CCBE1: variants seen among roughly 807,000 people sequenced by gnomAD.
The protein encoded by CCBE1 is collagen and calcium binding EGF domains 1.
Under a neutral mutation model 50.0 loss-of-function variants are expected in CCBE1, and 37 were observed. That is an observed-to-expected ratio of 0.74 (90% CI 0.57 to 0.97). The LOEUF (loss-of-function observed/expected upper bound fraction) is 0.97. Ranked by LOEUF, CCBE1 falls within the 50% of genes least tolerant of loss-of-function variation. The pLI, the probability that CCBE1 is intolerant of heterozygous loss-of-function variation, is 0.00. For synonymous variants in CCBE1, 234 were observed against 203.7 expected, an observed-to-expected ratio of 1.15 and a Z score of -1.27; for missense variants, 538 against 523.8, an observed-to-expected ratio of 1.03 and a Z score of -0.26.
Position 59,432,422 on chromosome 18 carries a change from A to G in CCBE1, c.*3486T>C, listed in dbSNP as rs987999885. ...CTTTTTCCCTATAAAACATGAAATGACCTAGAAGCACTGTTACAAATCTTA... is the reference window on the plus strand; with the variant it reads ...CTTTTTCCCTATAAAACATGAAATGGCCTAGAAGCACTGTTACAAATCTTA... On this transcript the variant is annotated 3_prime_UTR_variant, in exon 11 of 11. Transcript: ENST00000439986. The G allele has an allele frequency of 2.0e-5, 3 of 152,342 alleles. No homozygotes were observed. The highest frequency in any genetic ancestry group is 6.5e-5 in the Admixed American group (1 of 15,304). The allele number at this position is 152,342 out of a possible 1,614,324, so 9.4% of individuals were successfully genotyped here. A position where few individuals can be genotyped will look rare whatever the true frequency, so the allele number is the denominator to read the frequency against.
intron 2 of CCBE1, among the ~76,000 whole-genome samples, chr18:59,688,821 A>T (rs374423161): frequency 1.3e-5 from 2 of 152,344 alleles, no homozygotes; most frequent in African/African-American, 2.4e-5. Context: ...AAACACTGTA[A>T]TATAAATAAG....
intron 2 of CCBE1, among the ~76,000 whole-genome samples, chr18:59,655,399 G>A (rs2054176372): frequency 6.6e-6 from 1 of 152,168 alleles, no homozygotes; most frequent in South Asian, 2.1e-4. Flanking sequence ...CAGAGGCTGA[G>A]CCACTGAGTG....
At chr18:59,496,546 G>A (rs769565379) in intron 2 of CCBE1, among the ~76,000 whole-genome samples, 28 of 152,316 alleles carry the variant, frequency 1.8e-4, no homozygotes, top group Non-Finnish European at 4.1e-4. Context: ...CTGGCATGTG[G>A]TGTAACCTCA....
At chr18:59,491,035 T>C (rs956677688) in intron 2 of CCBE1, among the ~76,000 whole-genome samples, 8 of 152,292 alleles carry the variant, frequency 5.3e-5, no homozygotes, top group South Asian at 2.1e-4. Context: ...ACAGTAACAA[T>C]TGTGGGATCC....
chr18:59,543,847 A>AAAAAAAAAAAAAAAAAAAAAAG (rs1915576051), intron 2 of CCBE1, among the ~76,000 whole-genome samples: 2 of 78,526 alleles, frequency 2.5e-5, no homozygotes, highest in East Asian at 9.7e-4. Context: ...AAAAAAAAAA[A>AAAAAAAAAAAAAAAAAAAAAAG]AAAAAAAAAA....
At chr18:59,611,126 T>C (rs2144582892) in intron 2 of CCBE1, among the ~76,000 whole-genome samples, 1 of 152,306 alleles carries the variant, frequency 6.6e-6, no homozygotes, top group Non-Finnish European at 1.5e-5. Flanking sequence ...TGAGAAGAGA[T>C]CTCACCACCG....
intron 2 of CCBE1, among the ~76,000 whole-genome samples, chr18:59,668,181 AG>A (rs2054380706): frequency 6.6e-6 from 1 of 152,112 alleles, no homozygotes; most frequent in South Asian, 2.1e-4. Context: ...ACACTTTGGG[AG>A]GCTGAGGCGG....
chr18:59,605,911 T>C (rs893151182), intron 2 of CCBE1, among the ~76,000 whole-genome samples: 1 of 152,106 alleles, frequency 6.6e-6, no homozygotes, highest in Non-Finnish European at 1.5e-5. Flanking sequence ...GCTGCTCCAC[T>C]GGGGGAAATG....
chr18:59,659,842 G>A (rs569083466), intron 2 of CCBE1, among the ~76,000 whole-genome samples: 9 of 152,180 alleles, frequency 5.9e-5, no homozygotes, highest in African/African-American at 7.2e-5. Flanking sequence ...CTGGACCCCC[G>A]TTTGCTCATC....
At chr18:59,558,939 C>A (rs1037977789) in intron 2 of CCBE1, among the ~76,000 whole-genome samples, 3 of 152,216 alleles carry the variant, frequency 2.0e-5, no homozygotes, top group South Asian at 2.1e-4. Flanking sequence ...CTGCCTACGG[C>A]CCCCTAAGTG....
intron 2 of CCBE1, among the ~76,000 whole-genome samples, chr18:59,545,786 G>C (rs1915658009): frequency 6.6e-6 from 1 of 152,080 alleles, no homozygotes; most frequent in Admixed American, 6.6e-5. Context: ...TTTTATCAGG[G>C]GGTTCCCCTT....
In CCBE1 at chr18:59,557,004, A is replaced by G. The variant is rs375953790; in HGVS notation, c.213-76766T>C. Among the ~76,000 whole-genome samples the G allele has an allele frequency of 3.2e-4, 48 of 152,336 alleles. No individual in the cohort carries two copies. The East Asian group carries it at 7.3e-3, about 23-fold the overall frequency. On this transcript the variant is annotated intron_variant, in intron 2 of 10. Transcript: ENST00000439986. Reference sequence around the variant, plus strand: ...TTGTGTGTGATTTGGAAGATGATATACAGCAGCAACCTGGTTTGCACCCTC... The same window carrying G: ...TTGTGTGTGATTTGGAAGATGATATGCAGCAGCAACCTGGTTTGCACCCTC...
At chr18:59,468,655 G>A (rs976921394) in intron 4 of CCBE1, among the ~76,000 whole-genome samples, 3 of 152,152 alleles carry the variant, frequency 2.0e-5, no homozygotes, top group Non-Finnish European at 4.4e-5. Context: ...TAGAGAAAGA[G>A]GGATGCTCAT....
intron 2 of CCBE1, among the ~76,000 whole-genome samples, chr18:59,646,242 C>T (rs1599097145): frequency 1.3e-5 from 2 of 152,158 alleles, no homozygotes; most frequent in Admixed American, 6.5e-5. Context: ...AAGGCTATCC[C>T]GATGGACGAT....
chr18:59,654,556 A>T (rs556079155), intron 2 of CCBE1, among the ~76,000 whole-genome samples: 10 of 152,162 alleles, frequency 6.6e-5, no homozygotes, highest in African/African-American at 1.7e-4. Flanking sequence ...CCCAGGAGGC[A>T]GAGGTTGCAG....
intron 2 of CCBE1, among the ~76,000 whole-genome samples, chr18:59,545,925 C>A (rs1915664225): frequency 6.6e-6 from 1 of 151,478 alleles, no homozygotes; most frequent in South Asian, 2.1e-4. Context: ...TTCTGAGTCT[C>A]AGGTACGTCT....
At chr18:59,490,523 A>G (rs1913050337) in intron 2 of CCBE1, among the ~76,000 whole-genome samples, 1 of 152,206 alleles carries the variant, frequency 6.6e-6, no homozygotes, top group African/African-American at 2.4e-5. Context: ...AGGCTTGGCA[A>G]TGGCTTCAGA....
In CCBE1 at chr18:59,572,617, C is replaced by T. The variant is rs147830874; in HGVS notation, c.213-92379G>A. Among the ~76,000 whole-genome samples the T allele has an allele frequency of 2.4e-3, 368 of 152,220 alleles. 2 individuals carry two copies. Among genetic ancestry groups the T allele is most frequent in the African/African-American group, 8.3e-3 (345 of 41,522 alleles). On this transcript the variant is annotated intron_variant, in intron 2 of 10. Transcript: ENST00000439986. ...GAAATGTCAAAATATATAAATCAGT[C>T]AGGATAATTTCTATTGGTTGGTTAG...
intron 2 of CCBE1, among the ~76,000 whole-genome samples, chr18:59,661,540 A>C (rs1463804642): frequency 6.7e-6 from 1 of 150,212 alleles, no homozygotes; most frequent in Non-Finnish European, 1.5e-5. Flanking sequence ...TAACCTCAGA[A>C]ACTGAGTTGG....
Sources: gnomAD v4.1 joint callset for allele counts (sites outside exome capture counted in the v4.1 genomes callset) on GRCh38, gnomAD v4.1.1 for gene constraint, MANE v1.5 for transcripts, NCBI Gene and HGNC (gene_info 2026-07-23, HGNC 2026-07-21) for gene names.